Variants in IL1RAPL1 observed in about 807,000 individuals in gnomAD.
IL1RAPL1 encodes interleukin-1 receptor accessory protein-like 1.
A neutral mutation model predicts 48.4 loss-of-function variants in IL1RAPL1; 3 were observed. The observed-to-expected ratio is 0.06, with a 90% CI of 0.03 to 0.16. IL1RAPL1 has a LOEUF of 0.16. IL1RAPL1 is among the 10% of genes least tolerant of loss of function. The probability of loss-of-function intolerance (pLI) is 1.00; values close to 1 mark genes in which losing one functional copy is unlikely to be tolerated. For synonymous variants in IL1RAPL1, 185 were observed against 187.7 expected (o/e 0.99, Z 0.12); for missense variants, 349 against 530.6 (o/e 0.66, Z 3.36).
intron 5 of IL1RAPL1, among the ~76,000 whole-genome samples, chrX:29,472,393 C>A (rs1247541367): frequency 9.0e-6 from 1 of 111,422 alleles, no homozygotes; most frequent in Non-Finnish European, 1.9e-5. Flanking sequence ...CTCACAAGAC[C>A]CATTCTAGGT....
At chrX:28,638,281 G>T (rs2146897100) in intron 1 of IL1RAPL1, among the ~76,000 whole-genome samples, 1 of 111,605 alleles carries the variant, frequency 9.0e-6, no homozygotes, top group African/African-American at 3.2e-5. Context: ...ATACAGGTTA[G>T]TAGAGTTATA....
intron 5 of IL1RAPL1, among the ~76,000 whole-genome samples, chrX:29,557,466 AAT>A (rs1368654228): frequency 8.9e-6 from 1 of 112,223 alleles, no homozygotes; most frequent in African/African-American, 3.2e-5. Flanking sequence ...TGATTGCCAT[AAT>A]CAAGCCAATT....
At chrX:29,065,497 T>A (rs1044294302) in intron 2 of IL1RAPL1, among the ~76,000 whole-genome samples, 1 of 112,049 alleles carries the variant, frequency 8.9e-6, no homozygotes, top group African/African-American at 3.2e-5. Flanking sequence ...TCCTACAATG[T>A]GTTAGGATGT....
In IL1RAPL1 at chrX:29,799,026, A is replaced by C. The variant is rs1006852186; in HGVS notation, c.779-118438A>C. Reference sequence around the variant, plus strand: ...GCTTTTTTAGTTGTTGTTAGACGTAAGATAAATTTGAAATGTCAGGAAGGA... The same window carrying C: ...GCTTTTTTAGTTGTTGTTAGACGTACGATAAATTTGAAATGTCAGGAAGGA... On this transcript the variant is annotated intron_variant, in intron 6 of 10. Transcript: ENST00000378993. Among the ~76,000 whole-genome samples the C allele has an allele frequency of 3.6e-5, 4 of 112,113 alleles. No homozygotes were observed. In the East Asian group the frequency reaches 1.1e-3, roughly 31 times the overall value.
chrX:28,767,530 G>A (rs188576427), intron 1 of IL1RAPL1, among the ~76,000 whole-genome samples: 1 of 111,109 alleles, frequency 9.0e-6, no homozygotes, highest in Non-Finnish European at 1.9e-5. Flanking sequence ...TTTTTAATTA[G>A]GGATTTTTTT....
At chrX:29,729,197 A>G (rs942421300) in intron 6 of IL1RAPL1, among the ~76,000 whole-genome samples, 4 of 111,748 alleles carry the variant, frequency 3.6e-5, no homozygotes, top group Non-Finnish European at 7.5e-5. Context: ...TTGTAAGTGA[A>G]CATCTGGGAC....
At chrX:29,024,157 C>T (rs574059263) in intron 2 of IL1RAPL1, among the ~76,000 whole-genome samples, 13 of 111,718 alleles carry the variant, frequency 1.2e-4, no homozygotes, top group African/African-American at 3.9e-4. Flanking sequence ...AGATTTGAAC[C>T]CGTGTGACTA....
At chrX:29,775,328 G>A (rs1929168876) in intron 6 of IL1RAPL1, among the ~76,000 whole-genome samples, 1 of 111,446 alleles carries the variant, frequency 9.0e-6, no homozygotes, top group Non-Finnish European at 1.9e-5. Context: ...AACAAAAGAT[G>A]GGAGATGGGA....
chrX:29,612,092 C>G (rs752855611), intron 5 of IL1RAPL1, among the ~76,000 whole-genome samples: 9 of 110,994 alleles, frequency 8.1e-5, no homozygotes, highest in Non-Finnish European at 1.7e-4. Flanking sequence ...ATGCCTGTTC[C>G]CATTTAGGGC....
intron 2 of IL1RAPL1, among the ~76,000 whole-genome samples, chrX:29,013,372 T>C (rs1276090728): frequency 9.0e-6 from 1 of 111,479 alleles, no homozygotes; most frequent in Non-Finnish European, 1.9e-5. Flanking sequence ...TGGGTATATA[T>C]CCAAAAGAAT....
At chrX:29,562,233 C>T (rs1382456933) in intron 5 of IL1RAPL1, among the ~76,000 whole-genome samples, 1 of 107,611 alleles carries the variant, frequency 9.3e-6, no homozygotes, top group African/African-American at 3.4e-5. Context: ...CTCCTGGGCT[C>T]AAGTGATCCT....
chrX:29,432,402 C>T (rs1024684746), intron 5 of IL1RAPL1, among the ~76,000 whole-genome samples: 3 of 111,436 alleles, frequency 2.7e-5, no homozygotes, highest in African/African-American at 6.5e-5. Context: ...CTCTTTGGGA[C>T]AGTAGGAGCC....
chrX:29,440,693 T>C (rs1414467649), intron 5 of IL1RAPL1, among the ~76,000 whole-genome samples: 7 of 112,249 alleles, frequency 6.2e-5, no homozygotes, highest in Admixed American at 4.7e-4. Context: ...ATAATTCAAT[T>C]AGAGCCTTTC....
rs764941721 is a variant in IL1RAPL1, at chrX:29,088,041, A to G, written c.83-194897A>G. ...AGAACGAGATCCTGTCTCAACAACA[A>G]CAACAAATGTCTTCATAGCACTTTC... On this transcript the variant is annotated intron_variant, in intron 2 of 10. Transcript: ENST00000378993. Among the ~76,000 whole-genome samples the G allele has an allele frequency of 3.9e-4, 44 of 111,882 alleles. 1 individual carries two copies. Among genetic ancestry groups the G allele is most frequent in the Admixed American group, 5.7e-4 (6 of 10,521 alleles).
At chrX:29,614,958 C>A (rs1468204024) in intron 5 of IL1RAPL1, among the ~76,000 whole-genome samples, 1 of 101,272 alleles carries the variant, frequency 9.9e-6, no homozygotes. Flanking sequence ...AGCGAGACTC[C>A]GTCTCAAAAA....
At chrX:29,396,779 G>A (rs148042855) in intron 4 of IL1RAPL1, among the ~76,000 whole-genome samples, 32 of 111,570 alleles carry the variant, frequency 2.9e-4, no homozygotes, top group Admixed American at 4.8e-4. Flanking sequence ...CTTCACATTA[G>A]CATTTCAAAG....
In IL1RAPL1 at chrX:29,097,834, A is replaced by T. The variant is rs183370941; in HGVS notation, c.83-185104A>T. ...GGCTTAATGTTGTTTTTAAACCCTAACAAATCTGGTCATAGGCAAAGCAAA... is the reference window on the plus strand; with the variant it reads ...GGCTTAATGTTGTTTTTAAACCCTATCAAATCTGGTCATAGGCAAAGCAAA... On this transcript the variant is annotated intron_variant, in intron 2 of 10. Coordinates refer to ENST00000378993, the MANE Select transcript of IL1RAPL1 (RefSeq NM_014271.4). Among the ~76,000 whole-genome samples the T allele has an allele frequency of 2.2e-3, 248 of 112,318 alleles. 1 individual carries two copies. The highest frequency in any genetic ancestry group is 2.7e-3 in the Non-Finnish European group (145 of 53,241).
At chrX:29,163,762 C>T in intron 2 of IL1RAPL1, among the ~76,000 whole-genome samples, 1 of 111,280 alleles carries the variant, frequency 9.0e-6, no homozygotes, top group East Asian at 2.8e-4. Context: ...CTTTACTGTT[C>T]ATCTAGTAAT....
intron 2 of IL1RAPL1, among the ~76,000 whole-genome samples, chrX:28,853,923 A>G (rs1374794620): frequency 4.5e-5 from 5 of 111,951 alleles, no homozygotes; most frequent in African/African-American, 1.6e-4. Context: ...GTACAATTTG[A>G]TAATATCATC....
Sources: allele counts gnomAD v4.1 joint callset (sites outside exome capture counted in the v4.1 genomes callset), GRCh38; gene constraint gnomAD v4.1.1; transcripts MANE v1.5; gene names NCBI Gene and HGNC (gene_info 2026-07-23, HGNC 2026-07-21).